C12orf50: variants seen among roughly 807,000 people sequenced by gnomAD.
C12orf50 encodes the protein uncharacterized protein C12orf50.
A neutral mutation model predicts 61.6 loss-of-function variants in C12orf50; 35 were observed. The ratio of observed to expected loss-of-function variants is 0.57; its 90% CI spans 0.43 to 0.75. C12orf50 has a LOEUF of 0.75. C12orf50 is among the 30% of genes least tolerant of loss of function. The pLI is 0.00. For synonymous variants in C12orf50, 178 were observed against 161.5 expected, an observed-to-expected ratio of 1.10 and a Z score of -0.77; for missense variants, 475 against 488.5, an observed-to-expected ratio of 0.97 and a Z score of 0.26.
chr12:87,991,441 G>A (rs190842167), intron 7 of C12orf50, among the ~76,000 whole-genome samples: 96 of 152,008 alleles, frequency 6.3e-4, no homozygotes, highest in African/African-American at 2.2e-3. Context: ...TCAATAAGAA[G>A]GTCAAATAGA....
chr12:87,988,541 T>C (rs2030959479), intron 8 of C12orf50, among the ~76,000 whole-genome samples: 1 of 152,198 alleles, frequency 6.6e-6, no homozygotes, highest in Non-Finnish European at 1.5e-5. Context: ...ACCATATTAG[T>C]ATAGCTTTAA....
At chr12:87,993,267 T>C (rs1056295308) in intron 7 of C12orf50, among the ~76,000 whole-genome samples, 1 of 152,176 alleles carries the variant, frequency 6.6e-6, no homozygotes, top group Non-Finnish European at 1.5e-5. Context: ...AAACCATTAG[T>C]CTATCAATGG....
At position 87,989,375 on chromosome 12, in the gene C12orf50, T is replaced by G. The variant is rs781098020; in HGVS notation, c.593-4A>C. On this transcript the variant is annotated splice_polypyrimidine_tract_variant and splice_region_variant and intron_variant, in intron 7 of 12. Transcript: ENST00000298699. ...TGTGGAACATAACAGTCACCTCCTA[T>G]GACAAAACCTTACTGTCAGTGGCAA... is the stretch of plus-strand genomic sequence containing the variant. 6 of 1,602,660 alleles carry G rather than the reference T, an allele frequency of 3.7e-6. No homozygotes were observed. The highest frequency in any genetic ancestry group is 4.3e-6 in the Non-Finnish European group (5 of 1,171,356).
intron 6 of C12orf50, 151 bp from the exon 7 acceptor site, chr12:87,994,894 T>C: frequency 5.2e-6 from 3 of 574,540 alleles, no homozygotes; most frequent in Non-Finnish European, 9.2e-6. Flanking sequence ...AATTAATAAA[T>C]ACATGAGTTT....
At chr12:88,029,070 T>C (rs1334187631) in intron 1 of C12orf50, 1 of 1,284,782 alleles carries the variant, frequency 7.8e-7, no homozygotes, top group East Asian at 5.6e-5. Context: ...TATTTACCTT[T>C]ATGCATGTGG....
intron 11 of C12orf50, 35 bp downstream of exon 11, chr12:87,985,815 A>G (rs1376122056): frequency 1.2e-6 from 2 of 1,603,922 alleles, no homozygotes; most frequent in Admixed American, 1.7e-5. Context: ...TGCAAACCAC[A>G]GACAAGAGTA....
At chr12:88,029,597 C>G (rs2731639), upstream of C12orf50, among the ~76,000 whole-genome samples, 132,306 of 152,074 alleles carry the variant, frequency 0.87, 58,607 homozygotes, top group East Asian at 0.99. Context: ...TCAATGTTCT[C>G]GTTGAATATG....
At chr12:87,988,741 A>G (rs1477893314) in intron 8 of C12orf50, among the ~76,000 whole-genome samples, 2 of 152,142 alleles carry the variant, frequency 1.3e-5, no homozygotes, top group African/African-American at 4.8e-5. Context: ...CCCTAATTAC[A>G]GGACAGCTGT....
intron 9 of C12orf50, 112 bp downstream of exon 9, chr12:87,987,738 A>G: frequency 2.7e-6 from 2 of 735,930 alleles, no homozygotes; most frequent in Non-Finnish European, 4.5e-6. Context: ...GTTCTGAATA[A>G]TTTTTAAACC....
chr12:88,009,061 C>T (rs183974862), intron 3 of C12orf50, among the ~76,000 whole-genome samples: 5 of 152,152 alleles, frequency 3.3e-5, no homozygotes, highest in Admixed American at 2.0e-4. Flanking sequence ...GCACATTTGA[C>T]GGTTTCTAGC....
chr12:87,982,449 C>T (rs1435765815), intron 12 of C12orf50, among the ~76,000 whole-genome samples: 1 of 152,108 alleles, frequency 6.6e-6, no homozygotes, highest in Non-Finnish European at 1.5e-5. Context: ...CTGAAATGTT[C>T]AGTTGTCTGA....
chr12:88,015,693 AG>A (rs773457772), intron 3 of C12orf50, among the ~76,000 whole-genome samples: 3 of 152,228 alleles, frequency 2.0e-5, no homozygotes, highest in Non-Finnish European at 4.4e-5. Flanking sequence ...GAAAATGTCT[AG>A]GGAATTTTTA....
rs1229072806 is a variant in C12orf50, at chr12:87,994,664, T to C, written c.561A>G (p.Pro187=). 4 of 1,612,976 alleles carry C rather than the reference T, an allele frequency of 2.5e-6. No individual in the cohort carries two copies. Among genetic ancestry groups the C allele is most frequent in the East Asian group, 2.2e-5 (1 of 44,790 alleles). The part of the protein sequence containing the change: ...GEIKTSLHGK[P]KTDIAAFENG... ...TTTCAAAAGCAGCAATGTCAGTCTT[T>C]GGTTTCCCATGCAATGATGTTTTTA... Residue 187 remains proline (P), a synonymous_variant, in exon 7 of 13, where the codon CCA becomes CCG. Coordinates refer to ENST00000298699, the MANE Select transcript of C12orf50 (RefSeq NM_152589.3).
intron 11 of C12orf50, 43 bp downstream of exon 11, chr12:87,985,805 TGC>T: frequency 6.3e-7 from 1 of 1,595,350 alleles, no homozygotes; most frequent in Non-Finnish European, 8.6e-7. Context: ...TCCATGGGAA[TGC>T]AAACCACAGA....
intron 3 of C12orf50, among the ~76,000 whole-genome samples, chr12:88,003,220 T>C (rs2031722081): frequency 6.6e-6 from 1 of 151,948 alleles, no homozygotes; most frequent in South Asian, 2.1e-4. Flanking sequence ...TTTGTCATCA[T>C]ACAGTTTTGC....
intron 4 of C12orf50, among the ~76,000 whole-genome samples, chr12:87,997,792 A>T (rs7956752): frequency 0.17 from 25,784 of 152,088 alleles, 3,682 homozygotes; most frequent in African/African-American, 0.39. Context: ...GAAGCACCTA[A>T]ATATACTTAA....
intron 3 of C12orf50, among the ~76,000 whole-genome samples, chr12:88,008,727 A>G (rs754703625): frequency 3.3e-5 from 5 of 152,164 alleles, no homozygotes; most frequent in Non-Finnish European, 5.9e-5. Flanking sequence ...AAGTCATGTA[A>G]TAATAGCCTC....
intron 9 of C12orf50, among the ~76,000 whole-genome samples, chr12:87,986,820 AGTTGGATTAAT>A (rs1168546607): frequency 6.6e-6 from 1 of 152,144 alleles, no homozygotes; most frequent in Non-Finnish European, 1.5e-5. Context: ...CTTCTTAAGA[AGTTGGATTAAT>A]GTAAAATACT....
intron 3 of C12orf50, among the ~76,000 whole-genome samples, chr12:88,009,832 G>A (rs1486407715): frequency 6.6e-6 from 1 of 151,902 alleles, no homozygotes; most frequent in Non-Finnish European, 1.5e-5. Flanking sequence ...CTTTTTTATG[G>A]TGTTTTTGAT....
Sources: allele counts gnomAD v4.1 joint callset (sites outside exome capture counted in the v4.1 genomes callset), GRCh38; gene constraint gnomAD v4.1.1; transcripts MANE v1.5; gene names NCBI Gene and HGNC (gene_info 2026-07-23, HGNC 2026-07-21).